Variants in ZNF106 observed in about 807,000 individuals in gnomAD.
ZNF106 encodes zinc finger protein 106, also known as SH3-domain binding protein 3.
Under a neutral mutation model 195.1 loss-of-function variants are expected in ZNF106, and 67 were observed. The ratio of observed to expected loss-of-function variants is 0.34; its 90% confidence interval spans 0.28 to 0.42. The LOEUF (loss-of-function observed/expected upper bound fraction) is 0.42. ZNF106 is among the 10% of genes least tolerant of loss of function. ZNF106 has a pLI of 1.00. For missense variants in ZNF106, 2,118 were observed against 2,304.5 expected, an observed-to-expected ratio of 0.92 and a Z score of 1.66; for synonymous variants, 784 against 818.6, an observed-to-expected ratio of 0.96 and a Z score of 0.72.
At chr15:42,474,145 C>A (rs925634951) in intron 1 of ZNF106, among the ~76,000 whole-genome samples, 5 of 152,144 alleles carry the variant, frequency 3.3e-5, no homozygotes, top group African/African-American at 7.2e-5. Flanking sequence ...CCTCTTCAAC[C>A]CAGAGAATTG....
chr15:42,460,860 CAAAAAAA>C (rs34054288), intron 3 of ZNF106, among the ~76,000 whole-genome samples: 1 of 110,592 alleles, frequency 9.0e-6, no homozygotes, highest in Non-Finnish European at 2.0e-5. Flanking sequence ...AACTCCGTCT[CAAAAAAA>C]AAAAAAAAAT....
intron 10 of ZNF106, 116 bp from the exon 11 acceptor site, chr15:42,439,929 G>T: frequency 9.1e-7 from 1 of 1,101,826 alleles, no homozygotes; most frequent in Non-Finnish European, 1.2e-6. Flanking sequence ...GACTGTTTCA[G>T]CTGGTATCTC....
chr15:42,450,931 A>G lies in ZNF106; in HGVS notation c.1341T>C (p.Ala447=), dbSNP rs774173511. Residue 447 remains alanine, a synonymous_variant, in exon 5 of 22, where the codon GCT becomes GCC. Coordinates refer to ENST00000564754, the MANE Select transcript of ZNF106 (RefSeq NM_001366845.3). ...GGCACTGTCTCACCACCTCGAAGGA[A>G]GCAGCGGAATCAGAAGAGGCCTTGT... ...LNHKASSDSA[A]SFEVVRQCPT... 6.2e-7 allele frequency: 1 copy of G among 1,614,174 alleles called. No homozygotes were observed. Among genetic ancestry groups the G allele is most frequent in the Non-Finnish European group, 8.5e-7 (1 of 1,180,028 alleles).
chr15:42,455,546 C>CT (rs1173896886), intron 4 of ZNF106, among the ~76,000 whole-genome samples: 1 of 151,968 alleles, frequency 6.6e-6, no homozygotes, highest in African/African-American at 2.4e-5. Flanking sequence ...GTTCAAAAAA[C>CT]TTTTTTTTAA....
chr15:42,478,348 G>A (rs1025934008), intron 1 of ZNF106, among the ~76,000 whole-genome samples: 1 of 151,782 alleles, frequency 6.6e-6, no homozygotes, highest in East Asian at 1.9e-4. Context: ...ATTTTTAGTA[G>A]AGATGGAGTT....
At position 42,439,820 on chromosome 15, in the gene ZNF106, TGA is replaced by T. The variant is rs1383195896; in HGVS notation, c.3764-9_3764-8del. On this transcript the variant is annotated splice_region_variant and splice_polypyrimidine_tract_variant and intron_variant, in intron 10 of 21. Transcript: ENST00000564754. ...CAACTGTCACTGATCTCTCCTGAAT[TGA>T]GAGGAAAAAAATTATTGCATCCTTT... The T allele has an allele frequency of 6.7e-7, 1 of 1,496,628 alleles. No individual in the cohort carries two copies. Among genetic ancestry groups the T allele is most frequent in the East Asian group, 2.4e-5 (1 of 41,920 alleles). 92.7% of individuals were successfully genotyped at this position (1,496,628 alleles called of 1,614,324 possible). A position where few individuals can be genotyped will look rare whatever the true frequency, so the allele number is the denominator to read the frequency against.
chr15:42,469,708 C>A (rs1375303533), intron 2 of ZNF106, among the ~76,000 whole-genome samples: 5 of 151,860 alleles, frequency 3.3e-5, no homozygotes, highest in Admixed American at 3.3e-4. Flanking sequence ...AAAAATAGCA[C>A]ATGCCTGTAG....
chr15:42,459,574 C>T (rs562291512), intron 3 of ZNF106, among the ~76,000 whole-genome samples: 19 of 152,300 alleles, frequency 1.2e-4, no homozygotes, highest in Non-Finnish European at 2.5e-4. Flanking sequence ...TTGATGGTAG[C>T]TCATTCCAAC....
intron 9 of ZNF106, among the ~76,000 whole-genome samples, chr15:42,442,934 C>T (rs1047379108): frequency 5.9e-5 from 9 of 152,064 alleles, no homozygotes; most frequent in Non-Finnish European, 1.2e-4. Flanking sequence ...CAGGAGCACG[C>T]CACCATGCCC....
At chr15:42,463,304 AT>A (rs1174966528) in intron 3 of ZNF106, among the ~76,000 whole-genome samples, 1 of 152,120 alleles carries the variant, frequency 6.6e-6, no homozygotes. Flanking sequence ...TGAAAATGGG[AT>A]TTTTAAGTAA....
At chr15:42,473,496 AT>A in intron 1 of ZNF106, among the ~76,000 whole-genome samples, 1 of 151,752 alleles carries the variant, frequency 6.6e-6, no homozygotes, top group Middle Eastern at 3.4e-3. Context: ...GCACCTCTAC[AT>A]TTTCTGTTCT....
intron 3 of ZNF106, among the ~76,000 whole-genome samples, chr15:42,462,065 A>C (rs2056403843): frequency 6.6e-6 from 1 of 152,220 alleles, no homozygotes; most frequent in Non-Finnish European, 1.5e-5. Flanking sequence ...ACTAAAGGCT[A>C]TCCTCTAAAG....
intron 5 of ZNF106, among the ~76,000 whole-genome samples, 173 bp downstream of exon 5, chr15:42,449,598 T>A (rs1474572920): frequency 6.6e-6 from 1 of 152,238 alleles, no homozygotes; most frequent in African/African-American, 2.4e-5. Context: ...AAATACTTTA[T>A]TCCATCTGTC....
chr15:42,439,790 C>T lies in ZNF106; in HGVS notation c.3787G>A (p.Val1263Ile), dbSNP rs765660394. 1.9e-6 allele frequency: 3 copies of T among 1,565,370 alleles called. No homozygotes were observed. The highest frequency in any genetic ancestry group is 2.1e-5 in the Admixed American group (1 of 48,692). The change falls in exon 11 of 22, where the codon GTT becomes ATT. Residue 1263 changes from valine (V) to isoleucine (I), a missense_variant. Val to Ile is a conservative substitution (Grantham distance 29). Transcript: ENST00000564754. ...AATCTAGCAGTGATGACTGGATAAA[C>T]TGGACAACTGTCACTGATCTCTCCT... ...ANREISDSCPVYPVITARLSL... is the reference protein window; with the variant it reads ...ANREISDSCPIYPVITARLSL...
chr15:42,424,937 A>T lies in ZNF106; in HGVS notation c.5087T>A (p.Leu1696Gln), dbSNP rs1200553415. ...ATAQEGARKL[L>Q]VVGSYDCTIS... is the part of the protein sequence containing the mutation. ...TGTGCAGTCATAAGACCCCACGACC[A>T]GCAGTTTTCGGGCACCTTCCTGAGC... The change falls in exon 16 of 22, where the codon CTG (leucine) becomes CAG (glutamine). Residue 1696 changes from leucine (L) to glutamine (Q), a missense_variant. Leu to Gln is a moderately radical substitution (Grantham distance 113). Coordinates refer to ENST00000564754, the MANE Select transcript of ZNF106 (RefSeq NM_001366845.3). 1 of 1,614,166 alleles carries T rather than the reference A, an allele frequency of 6.2e-7. No individual in the cohort carries two copies. Among genetic ancestry groups the T allele is most frequent in the Non-Finnish European group, 8.5e-7 (1 of 1,180,028 alleles).
chr15:42,444,366 G>C, intron 8 of ZNF106, 104 bp from the exon 9 acceptor site: 1 of 858,950 alleles, frequency 1.2e-6, no homozygotes. Context: ...AGAGTGTCTT[G>C]ACTGCTCTGT....
intron 4 of ZNF106, among the ~76,000 whole-genome samples, chr15:42,455,503 T>A (rs1378249307): frequency 6.6e-6 from 1 of 152,200 alleles, no homozygotes; most frequent in East Asian, 1.9e-4. Context: ...TTTACTGATA[T>A]TTTAAGATGA....
At chr15:42,424,414 G>C (rs2054779669) in intron 16 of ZNF106, 1 of 286,154 alleles carries the variant, frequency 3.5e-6, no homozygotes, top group African/African-American at 2.2e-5. Flanking sequence ...CAATCTCCTT[G>C]CTCTTTCCAA....
chr15:42,442,853 G>A (rs767658722), intron 9 of ZNF106, among the ~76,000 whole-genome samples: 11 of 151,298 alleles, frequency 7.3e-5, no homozygotes, highest in Non-Finnish European at 1.3e-4. Flanking sequence ...GCGCAATCTC[G>A]GCTCACTGCA....
Sources: gnomAD v4.1 joint callset for allele counts (sites outside exome capture counted in the v4.1 genomes callset) on GRCh38, gnomAD v4.1.1 for gene constraint, MANE v1.5 for transcripts, NCBI Gene and HGNC (gene_info 2026-07-23, HGNC 2026-07-21) for gene names.